The following PCIF1 variants were observed in gnomAD, a reference collection of about 807,000 sequenced individuals.
PCIF1 encodes mRNA (2'-O-methyladenosine-N(6)-)-methyltransferase.
Under a neutral mutation model 86.9 loss-of-function variants are expected in PCIF1, and 12 were observed. The ratio of observed to expected loss-of-function variants is 0.14; its 90% CI spans 0.09 to 0.22. PCIF1 has a LOEUF of 0.22. Among genes scored for constraint, PCIF1 ranks in the 10% least tolerant of loss-of-function variants. The pLI is 1.00. For missense variants in PCIF1, 701 were observed against 951.1 expected, an observed-to-expected ratio of 0.74 and a Z score of 3.46; for synonymous variants, 397 against 372.0, an observed-to-expected ratio of 1.07 and a Z score of -0.77.
rs887399804 is a variant in PCIF1, at chr20:45,939,161, A to C, written c.124+38A>C. The C allele has an allele frequency of 3.1e-6, 5 of 1,613,836 alleles. No homozygotes were observed. In the East Asian group the frequency reaches 1.1e-4, roughly 36 times the overall value. On this transcript the variant is annotated intron_variant, in intron 3 of 16. Coordinates refer to ENST00000372409, the MANE Select transcript of PCIF1 (RefSeq NM_022104.4). ...AGCAGTAGTGGGGTGGTGGGGTAGG[A>C]AGGGCACCCTGGGAGCAGTCCTGAC...
At position 45,940,934 on chromosome 20, in the gene PCIF1, C is replaced by T. The variant is rs771400958; in HGVS notation, c.513C>T (p.Pro171=). 4.3e-6 allele frequency: 7 copies of T among 1,614,016 alleles called. No individual in the cohort carries two copies. In the African/African-American group the frequency reaches 8.0e-5, roughly 18 times the overall value. Residue 171 remains proline (P), a synonymous_variant, in exon 6 of 17, where the codon CCC becomes CCT. Coordinates refer to ENST00000372409, the MANE Select transcript of PCIF1 (RefSeq NM_022104.4). ...EDKQQAALLR[P]TEVYWDLDIQ... is the part of the protein sequence containing the mutation. ...AACAGCAGGCAGCTCTCCTACGACC[C>T]ACTGAGTGAGTCCCTGCTGATTGGC...
At chr20:45,945,562 T>C (rs898793397) in intron 11 of PCIF1, 149 bp from the exon 12 acceptor site, 6 of 1,033,814 alleles carry the variant, frequency 5.8e-6, no homozygotes, top group East Asian at 2.6e-5. Context: ...TTTCTTTTTA[T>C]GGCTTTTCAT....
chr20:45,939,241 A>G lies in PCIF1; in HGVS notation c.151A>G (p.Lys51Glu). 3.1e-6 allele frequency: 5 copies of G among 1,613,776 alleles called. No individual in the cohort carries two copies. The highest frequency in any genetic ancestry group is 3.4e-6 in the Non-Finnish European group (4 of 1,179,998). ...PEELVHAGWE[K>E]CWSRRENRPY... The stretch of plus-strand genomic sequence containing the variant: ...GGAGCTGGTGCATGCAGGCTGGGAG[A>G]AGTGCTGGAGCCGGAGGGAGAATCG... The change falls in exon 4 of 17, where the codon AAG (lysine) becomes GAG (glutamate). Residue 51 changes from lysine (K) to glutamate (E), a missense_variant. Lys to Glu is a moderately conservative substitution (Grantham distance 56). This residue lies in a region of PCIF1 where 31 missense variants were observed against 62.8 expected (regional missense o/e 0.49). Transcript: ENST00000372409.
chr20:45,947,232 C>T lies in PCIF1; in HGVS notation c.1708-31C>T, dbSNP rs762419612. The T allele has an allele frequency of 4.4e-6, 7 of 1,600,602 alleles. No individual in the cohort carries two copies. In the South Asian group the frequency reaches 7.8e-5, roughly 18 times the overall value. The stretch of plus-strand genomic sequence containing the variant: ...ATTGCCAGCCACCTGGGAGGTAGTC[C>T]CTGACATCCACCCTGTGTCCCCTTC... On this transcript the variant is annotated intron_variant, in intron 15 of 16. Transcript: ENST00000372409. The surrounding 1 kb of genome is among the most constrained non-coding windows in gnomAD (Gnocchi z 5.4).
At chr20:45,940,398 A>T in intron 4 of PCIF1, 77 bp from the exon 5 acceptor site, 1 of 1,463,480 alleles carries the variant, frequency 6.8e-7, no homozygotes, top group South Asian at 1.4e-5. Context: ...CAGGGGTGGG[A>T]GGGCGTGAGG....
intron 1 of PCIF1, among the ~76,000 whole-genome samples, chr20:45,935,384 G>C (rs2083414781): frequency 6.6e-6 from 1 of 152,100 alleles, no homozygotes; most frequent in Admixed American, 6.5e-5. Flanking sequence ...TTCTGGTTGC[G>C]CAGATAGAGT....
At position 45,947,936 on chromosome 20, in the gene PCIF1, T is replaced by C; in HGVS notation, c.*181T>C. Reference sequence around the variant, plus strand: ...AAACTCCCTCCAAGTCCCATGTATATAGGTCCTGATGCCTTCCCAACCCCG... The same window carrying C: ...AAACTCCCTCCAAGTCCCATGTATACAGGTCCTGATGCCTTCCCAACCCCG... On this transcript the variant is annotated 3_prime_UTR_variant, in exon 17 of 17. Transcript: ENST00000372409. This position sits in a 1 kb window ranked among gnomAD's most constrained non-coding sequence, Gnocchi z 5.4. 2.0e-6 allele frequency: 3 copies of C among 1,532,958 alleles called. No homozygotes were observed. The highest frequency in any genetic ancestry group is 2.6e-6 in the Non-Finnish European group (3 of 1,145,808). The allele number at this position is 1,532,958 out of a possible 1,614,324, so 95.0% of individuals were successfully genotyped here.
Position 45,943,141 on chromosome 20 carries a change from C to G in PCIF1, c.718C>G (p.Arg240Gly). The G allele has an allele frequency of 6.2e-7, 1 of 1,614,006 alleles. No individual in the cohort carries two copies. Among genetic ancestry groups the G allele is most frequent in the Non-Finnish European group, 8.5e-7 (1 of 1,179,994 alleles). Residue 240 changes from arginine (R) to glycine (G), a missense_variant, in exon 8 of 17, where the codon CGC becomes GGC. Arg to Gly is a moderately radical substitution (Grantham distance 125). Transcript: ENST00000372409. The surrounding 1 kb of genome is among the most constrained non-coding windows in gnomAD (Gnocchi z 5.5). ...GTCTTTCAACCGCTGGATGCTGGAG[C>G]GCAAGGTGGTAGACAAAGGATCTGA... ...RESFNRWMLE[R>G]KVVDKGSDPL...
intron 2 of PCIF1, among the ~76,000 whole-genome samples, chr20:45,938,231 A>G (rs1175924429): frequency 6.6e-6 from 1 of 152,212 alleles, no homozygotes; most frequent in Non-Finnish European, 1.5e-5. Context: ...CCTGGGGATT[A>G]TGAAGGAGTC....
intron 12 of PCIF1, 40 bp downstream of exon 12, chr20:45,945,923 A>G: frequency 6.2e-7 from 1 of 1,613,254 alleles, no homozygotes. Flanking sequence ...TGATGGCATG[A>G]GTCAGGGCCT....
intron 7 of PCIF1, 85 bp downstream of exon 7, chr20:45,941,292 G>A (rs902056176): frequency 9.4e-6 from 14 of 1,485,702 alleles, no homozygotes; most frequent in South Asian, 1.3e-5. Context: ...TGGGGATGGC[G>A]GAGTGGGGCC....
At chr20:45,942,766 CTTTTTTT>C (rs780815783) in intron 7 of PCIF1, among the ~76,000 whole-genome samples, 14 of 71,760 alleles carry the variant, frequency 2.0e-4, no homozygotes, top group South Asian at 5.8e-4. Flanking sequence ...CAGCTAATTT[CTTTTTTT>C]TTTTTTTTTT....
Position 45,943,572 on chromosome 20 carries a change from A to C in PCIF1, c.906-94A>C. The C allele has an allele frequency of 7.3e-7, 1 of 1,373,280 alleles. No individual in the cohort carries two copies. The highest frequency in any genetic ancestry group is 1.3e-5 in the South Asian group (1 of 79,090). The allele number at this position is 1,373,280 out of a possible 1,614,324, so 85.1% of individuals were successfully genotyped here. A position where few individuals can be genotyped will look rare whatever the true frequency, so the allele number is the denominator to read the frequency against. ...AAAGGCAGAACAAGGGCTGTGATGG[A>C]AGCTAGGGGTTGATACCCAGCGAGC... On this transcript the variant is annotated intron_variant, in intron 9 of 16. Coordinates refer to ENST00000372409, the MANE Select transcript of PCIF1 (RefSeq NM_022104.4). The surrounding 1 kb of genome is among the most constrained non-coding windows in gnomAD (Gnocchi z 5.5).
chr20:45,945,599 T>C (rs1111750), intron 11 of PCIF1, 112 bp from the exon 12 acceptor site: 23,256 of 1,295,386 alleles, frequency 0.018, 523 homozygotes, highest in African/African-American at 0.091. Flanking sequence ...TGGGCCAGAG[T>C]ATACTGATCT....
At chr20:45,935,058 C>A (rs1413633131) in intron 1 of PCIF1, among the ~76,000 whole-genome samples, 1 of 151,870 alleles carries the variant, frequency 6.6e-6, no homozygotes, top group Non-Finnish European at 1.5e-5. Context: ...GCCTTTGTGT[C>A]GGGCTCCGAC....
intron 1 of PCIF1, among the ~76,000 whole-genome samples, chr20:45,935,625 T>G (rs763809646): frequency 3.9e-5 from 6 of 152,158 alleles, no homozygotes; most frequent in Non-Finnish European, 8.8e-5. Flanking sequence ...ACAGACCTGC[T>G]GCGCTCAAGT....
intron 14 of PCIF1, 91 bp downstream of exon 14, chr20:45,946,475 G>C (rs989399983): frequency 8.1e-5 from 119 of 1,462,796 alleles, no homozygotes; most frequent in Non-Finnish European, 1.0e-4. Flanking sequence ...TGTCAGGCAG[G>C]CTTGGGTGGA....
At chr20:45,940,406 A>G in intron 4 of PCIF1, 69 bp from the exon 5 acceptor site, 23 of 1,492,354 alleles carry the variant, frequency 1.5e-5, no homozygotes, top group Non-Finnish European at 1.8e-5. Context: ...GGAGGGCGTG[A>G]GGATTCAAAG....
At chr20:45,941,538 C>T (rs911176224) in intron 7 of PCIF1, among the ~76,000 whole-genome samples, 4 of 152,308 alleles carry the variant, frequency 2.6e-5, no homozygotes, top group Middle Eastern at 3.4e-3. Flanking sequence ...ACTGCATCAT[C>T]CTCCTCCTGG....
Sources: allele counts gnomAD v4.1 joint callset (sites outside exome capture counted in the v4.1 genomes callset), GRCh38; gene constraint gnomAD v4.1.1; regional missense constraint gnomAD v4.1.1; non-coding constraint Gnocchi (gnomAD v3.1); transcripts MANE v1.5; gene names NCBI Gene and HGNC (gene_info 2026-07-23, HGNC 2026-07-21).